MPPED2: variants seen among roughly 807,000 people sequenced by gnomAD.
The protein encoded by MPPED2 is metallophosphoesterase domain containing 2.
A neutral mutation model predicts 33.0 loss-of-function variants in MPPED2; 5 were observed. The observed-to-expected ratio is 0.15, with a 90% confidence interval of 0.08 to 0.32. The LOEUF (loss-of-function observed/expected upper bound fraction) is 0.32. MPPED2 is among the 10% of genes least tolerant of loss of function. MPPED2 has a pLI of 1.00. For missense variants in MPPED2, 275 were observed against 372.1 expected, an observed-to-expected ratio of 0.74 and a Z score of 2.15; for synonymous variants, 136 against 141.9, an observed-to-expected ratio of 0.96 and a Z score of 0.29.
At chr11:30,575,643 CAGAT>C (rs763046774) in intron 2 of MPPED2, among the ~76,000 whole-genome samples, 2 of 152,186 alleles carry the variant, frequency 1.3e-5, no homozygotes, top group Non-Finnish European at 2.9e-5. Flanking sequence ...GTTTTAACCA[CAGAT>C]AGAGATAGGA....
At chr11:30,555,547 G>A (rs947609306) in intron 2 of MPPED2, among the ~76,000 whole-genome samples, 2 of 152,110 alleles carry the variant, frequency 1.3e-5, no homozygotes, top group Non-Finnish European at 2.9e-5. Context: ...AATCATGGGG[G>A]CAGGTTTTTC....
At chr11:30,479,592 C>T (rs1385475614) in intron 4 of MPPED2, among the ~76,000 whole-genome samples, 1 of 151,882 alleles carries the variant, frequency 6.6e-6, no homozygotes, top group African/African-American at 2.4e-5. Flanking sequence ...CTGCTTGCTA[C>T]AAGGTTTGAT....
intron 4 of MPPED2, among the ~76,000 whole-genome samples, chr11:30,426,920 C>A (rs1948864206): frequency 6.6e-6 from 1 of 152,102 alleles, no homozygotes; most frequent in Admixed American, 6.6e-5. Context: ...GAAACCAGGA[C>A]CACAACACAC....
At chr11:30,478,148 C>A (rs540577017) in intron 4 of MPPED2, among the ~76,000 whole-genome samples, 2 of 152,018 alleles carry the variant, frequency 1.3e-5, no homozygotes, top group Admixed American at 6.6e-5. Flanking sequence ...AGTTTCAACT[C>A]CCCTCCAAAA....
chr11:30,464,755 A>T (rs1950640182), intron 4 of MPPED2, among the ~76,000 whole-genome samples: 1 of 152,232 alleles, frequency 6.6e-6, no homozygotes, highest in African/African-American at 2.4e-5. Flanking sequence ...ATAATTTTAT[A>T]AAATTATAAT....
chr11:30,584,362 A>ACAC (rs1386727783), intron 1 of MPPED2: 1 of 152,126 alleles, frequency 6.6e-6, no homozygotes, highest in Non-Finnish European at 1.5e-5. Context: ...ACACACACAC[A>ACAC]CACACACACA....
At chr11:30,458,447 TA>T (rs763706626) in intron 4 of MPPED2, among the ~76,000 whole-genome samples, 5 of 152,304 alleles carry the variant, frequency 3.3e-5, no homozygotes, top group Middle Eastern at 3.4e-3. Flanking sequence ...ATCCAACAGA[TA>T]ATGAAGGGAA....
At chr11:30,499,842 A>ATTTG (rs374974493) in intron 3 of MPPED2, among the ~76,000 whole-genome samples, 3 of 152,196 alleles carry the variant, frequency 2.0e-5, no homozygotes, top group Middle Eastern at 3.4e-3. Flanking sequence ...TGAGGTTATT[A>ATTTG]TTTGTTTGTT....
chr11:30,412,525 A>T (rs1476783436), intron 6 of MPPED2, among the ~76,000 whole-genome samples: 2 of 152,192 alleles, frequency 1.3e-5, no homozygotes, highest in Non-Finnish European at 2.9e-5. Context: ...GTAACTGAAA[A>T]GGCTTTTTTC....
chr11:30,461,171 G>A (rs1034899337), intron 4 of MPPED2, among the ~76,000 whole-genome samples: 2 of 152,136 alleles, frequency 1.3e-5, no homozygotes, highest in Admixed American at 6.5e-5. Context: ...AGTCAAGTTC[G>A]TATAGACGGA....
intron 4 of MPPED2, among the ~76,000 whole-genome samples, chr11:30,491,217 A>G (rs1951968510): frequency 6.6e-6 from 1 of 152,226 alleles, no homozygotes; most frequent in Non-Finnish European, 1.5e-5. Context: ...AAGAGGTTAA[A>G]AATTGTACAA....
chr11:30,544,219 C>T (rs1565170458), intron 2 of MPPED2, among the ~76,000 whole-genome samples: 1 of 152,184 alleles, frequency 6.6e-6, no homozygotes, highest in Non-Finnish European at 1.5e-5. Flanking sequence ...TGACATATCG[C>T]TGGGTCATAA....
At chr11:30,535,885 G>T in intron 3 of MPPED2, 109 bp downstream of exon 3, 3 of 870,466 alleles carry the variant, frequency 3.4e-6, no homozygotes, top group Non-Finnish European at 5.1e-6. Context: ...CATATCATAC[G>T]AGAAATGGCT....
chr11:30,495,619 A>C, intron 3 of MPPED2, 98 bp from the exon 4 acceptor site: 4 of 801,702 alleles, frequency 5.0e-6, no homozygotes, highest in Non-Finnish European at 8.1e-6. Context: ...CACCCAAATG[A>C]AATAGCTCGC....
intron 2 of MPPED2, among the ~76,000 whole-genome samples, chr11:30,566,792 G>A (rs2134768683): frequency 6.6e-6 from 1 of 152,202 alleles, no homozygotes; most frequent in Non-Finnish European, 1.5e-5. Context: ...ATATCCTAGT[G>A]GAAGACACAC....
chr11:30,442,314 T>A (rs957323163), intron 4 of MPPED2, among the ~76,000 whole-genome samples: 6 of 152,124 alleles, frequency 3.9e-5, no homozygotes, highest in African/African-American at 1.4e-4. Flanking sequence ...TCAAATAAAA[T>A]CTGTGAATGT....
chr11:30,501,052 T>C (rs1952536946), intron 3 of MPPED2, among the ~76,000 whole-genome samples: 1 of 152,116 alleles, frequency 6.6e-6, no homozygotes, highest in Non-Finnish European at 1.5e-5. Flanking sequence ...CAGATATAAA[T>C]AGGGTAAAAA....
chr11:30,569,662 T>C lies in MPPED2; in HGVS notation c.128+10584A>G, dbSNP rs559375571. On this transcript the variant is annotated intron_variant, in intron 2 of 6. Transcript: ENST00000358117. ...TCTCGAAAGTCAGTTCAGAGTTCAC[T>C]ATTTGTCAAATGATTTTTTAAAAAA... Among the ~76,000 whole-genome samples the C allele has an allele frequency of 4.2e-4, 64 of 152,346 alleles. No homozygotes were observed. In the Middle Eastern group the frequency reaches 0.01, roughly 24 times the overall value.
intron 2 of MPPED2, among the ~76,000 whole-genome samples, chr11:30,563,808 T>C (rs1212492122): frequency 2.0e-5 from 3 of 152,196 alleles, no homozygotes; most frequent in African/African-American, 7.2e-5. Context: ...TCAGCCAGCA[T>C]CAATCCTGCC....
Sources: gnomAD v4.1 joint callset for allele counts (sites outside exome capture counted in the v4.1 genomes callset) on GRCh38, gnomAD v4.1.1 for gene constraint, MANE v1.5 for transcripts, NCBI Gene and HGNC (gene_info 2026-07-23, HGNC 2026-07-21) for gene names.